BACH2: variants seen among roughly 807,000 people sequenced by gnomAD.
The protein encoded by BACH2 is BACH transcriptional regulator 2.
In BACH2, 5 loss-of-function variants were observed where a neutral mutation model predicts 61.8. That is an observed-to-expected ratio of 0.08 (90% confidence interval 0.04 to 0.17). BACH2 has a LOEUF of 0.17. Ranked by LOEUF, BACH2 falls within the 10% of genes least tolerant of loss-of-function variation. The probability of loss-of-function intolerance (pLI) is 1.00; values close to 1 mark genes in which losing one functional copy is unlikely to be tolerated. For missense variants in BACH2, 824 were observed against 1,091.1 expected (o/e 0.76, Z 3.45); for synonymous variants, 446 against 440.1 (o/e 1.01, Z -0.17).
intron 4 of BACH2, among the ~76,000 whole-genome samples, chr6:90,186,008 G>A (rs1219746506): frequency 2.0e-5 from 3 of 152,068 alleles, no homozygotes; most frequent in African/African-American, 4.8e-5. Flanking sequence ...GTATTAATAG[G>A]CTACTTTTAA....
intron 6 of BACH2, among the ~76,000 whole-genome samples, chr6:89,957,452 AC>A (rs763555068): frequency 1.7e-4 from 25 of 151,226 alleles, no homozygotes; most frequent in Non-Finnish European, 3.2e-4. Flanking sequence ...CTTGTCTTGA[AC>A]TCCTGGGCTC....
intron 4 of BACH2, among the ~76,000 whole-genome samples, chr6:90,100,728 G>GACACACACACAGACAC (rs1782588428): frequency 2.1e-5 from 3 of 142,270 alleles, no homozygotes; most frequent in African/African-American, 7.8e-5. Flanking sequence ...CACACACACA[G>GACACACACACAGACAC]ACACACACAC....
At chr6:89,999,108 A>G (rs963064956) in intron 6 of BACH2, among the ~76,000 whole-genome samples, 4 of 152,238 alleles carry the variant, frequency 2.6e-5, no homozygotes, top group African/African-American at 9.6e-5. Context: ...CTTAAAAAAC[A>G]CACCGTGCTT....
intron 6 of BACH2, among the ~76,000 whole-genome samples, chr6:89,986,518 G>T (rs935397243): frequency 3.3e-5 from 5 of 151,992 alleles, no homozygotes; most frequent in African/African-American, 1.2e-4. Context: ...TTTTTTTAAA[G>T]TTTTCTTTTA....
At chr6:90,092,291 A>AAAAAAAAAAAAAAAAAAATATATATAT in intron 4 of BACH2, among the ~76,000 whole-genome samples, 2 of 113,842 alleles carry the variant, frequency 1.8e-5, no homozygotes, top group African/African-American at 3.6e-5. Flanking sequence ...AAAAAAAAAA[A>AAAAAAAAAAAAAAAAAAATATATATAT]ATATATATAT....
intron 5 of BACH2, among the ~76,000 whole-genome samples, chr6:90,082,749 T>G (rs568503864): frequency 1.3e-5 from 2 of 152,316 alleles, no homozygotes; most frequent in African/African-American, 4.8e-5. Context: ...CAAAGCTACT[T>G]CTGTTCAGAT....
chr6:90,072,391 G>A (rs1002276991), intron 5 of BACH2, among the ~76,000 whole-genome samples: 1 of 152,174 alleles, frequency 6.6e-6, no homozygotes, highest in African/African-American at 2.4e-5. Context: ...GCCCCATTAT[G>A]AGCTGATCTG....
chr6:90,228,186 T>C (rs1231009527), intron 3 of BACH2, among the ~76,000 whole-genome samples: 1 of 152,260 alleles, frequency 6.6e-6, no homozygotes, highest in East Asian at 1.9e-4. Context: ...TTAATCTGAC[T>C]TTACTAAAAT....
intron 4 of BACH2, among the ~76,000 whole-genome samples, chr6:90,203,973 T>C (rs1390968010): frequency 6.6e-6 from 1 of 152,186 alleles, no homozygotes; most frequent in African/African-American, 2.4e-5. Context: ...GTTAAATTAG[T>C]GCGGCCAACT....
chr6:90,232,248 C>T (rs962624705), intron 3 of BACH2, among the ~76,000 whole-genome samples: 2 of 152,160 alleles, frequency 1.3e-5, no homozygotes, highest in African/African-American at 4.8e-5. Flanking sequence ...AGGTGTTTCT[C>T]CCTTACCTGC....
chr6:89,987,383 C>T (rs998686292), intron 6 of BACH2, among the ~76,000 whole-genome samples: 1 of 152,046 alleles, frequency 6.6e-6, no homozygotes, highest in African/African-American at 2.4e-5. Context: ...TGGAGGCTGT[C>T]GAACTTAGTC....
At chr6:90,055,114 C>A (rs918683132) in intron 5 of BACH2, among the ~76,000 whole-genome samples, 3 of 152,186 alleles carry the variant, frequency 2.0e-5, no homozygotes, top group Non-Finnish European at 2.9e-5. Context: ...TGGAACAAAG[C>A]TGGATGGAGA....
intron 1 of BACH2, among the ~76,000 whole-genome samples, chr6:90,276,660 C>A (rs1771702891): frequency 6.6e-6 from 1 of 152,150 alleles, no homozygotes. Context: ...ATTTTGAGAA[C>A]CATAGCTTGC....
intron 3 of BACH2, among the ~76,000 whole-genome samples, chr6:90,240,525 G>A (rs752135421): frequency 6.6e-6 from 1 of 152,100 alleles, no homozygotes; most frequent in South Asian, 2.1e-4. Flanking sequence ...CAAGCATAAC[G>A]AAAAATAATG....
At chr6:89,981,359 T>C (rs940670930) in intron 6 of BACH2, among the ~76,000 whole-genome samples, 1 of 152,044 alleles carries the variant, frequency 6.6e-6, no homozygotes, top group Admixed American at 6.6e-5. Context: ...GCCAGGATGG[T>C]ATCGATCTCC....
At chr6:90,171,715 GC>G (rs1244403003) in intron 4 of BACH2, among the ~76,000 whole-genome samples, 9 of 152,060 alleles carry the variant, frequency 5.9e-5, no homozygotes, top group African/African-American at 1.7e-4. Context: ...ATCATCAAAG[GC>G]TTTAGCTATT....
intron 4 of BACH2, among the ~76,000 whole-genome samples, chr6:90,158,910 T>C (rs1051552008): frequency 6.6e-6 from 1 of 152,182 alleles, no homozygotes; most frequent in African/African-American, 2.4e-5. Context: ...AAATATCATC[T>C]CTTAATTTGA....
At position 89,951,529 on chromosome 6, in the gene BACH2, C is replaced by G. The variant is rs1279574384; in HGVS notation, c.577G>C (p.Glu193Gln). The G allele has an allele frequency of 6.2e-7, 1 of 1,614,102 alleles. No individual in the cohort carries two copies. Among genetic ancestry groups the G allele is most frequent in the Admixed American group, 1.7e-5 (1 of 60,008 alleles). ...TCTGCTACGGGGATGGCGGCGGCCT[C>G]AAAGCTGATGGGCTCTGGAAGCATC... Reference protein sequence around the residue: ...DQMLPEPISFEAAAIPVAEKE... With the variant: ...DQMLPEPISFQAAAIPVAEKE... Residue 193 changes from glutamate to glutamine, a missense_variant, in exon 7 of 9, where the codon GAG becomes CAG. Transcript: ENST00000257749. The surrounding 1 kb of genome is among the most constrained non-coding windows in gnomAD (Gnocchi z 6.4).
At chr6:90,070,665 G>A (rs769123836) in intron 5 of BACH2, among the ~76,000 whole-genome samples, 26 of 152,234 alleles carry the variant, frequency 1.7e-4, no homozygotes, top group Admixed American at 1.0e-3. Context: ...TCTCATTCCA[G>A]TAGCAGAGGT....
Sources: gnomAD v4.1 joint callset for allele counts (sites outside exome capture counted in the v4.1 genomes callset) on GRCh38, gnomAD v4.1.1 for gene constraint, Gnocchi (gnomAD v3.1) non-coding constraint, MANE v1.5 for transcripts, NCBI Gene and HGNC (gene_info 2026-07-23, HGNC 2026-07-21) for gene names.